The following MCCC1 variants were observed in gnomAD, a reference collection of about 807,000 sequenced individuals.
MCCC1 encodes methylcrotonyl-CoA carboxylase subunit 1, also known as methylcrotonoyl-CoA carboxylase subunit alpha, mitochondrial.
A neutral mutation model predicts 83.8 loss-of-function variants in MCCC1; 64 were observed. That is an observed-to-expected ratio of 0.76 (90% CI 0.62 to 0.94). MCCC1 has a LOEUF of 0.94. Among genes scored for constraint, MCCC1 ranks in the 40% least tolerant of loss-of-function variants. The probability of loss-of-function intolerance (pLI) is 0.00; values close to 1 mark genes in which losing one functional copy is unlikely to be tolerated. For missense variants in MCCC1, 807 were observed against 904.7 expected (o/e 0.89, Z 1.39); for synonymous variants, 322 against 315.4 (o/e 1.02, Z -0.22).
At chr3:183,102,013 A>G (rs190989993), upstream of MCCC1, among the ~76,000 whole-genome samples, 455 of 152,252 alleles carry the variant, frequency 3.0e-3, 2 homozygotes, top group Non-Finnish European at 4.8e-3. Context: ...CAGACTCCAG[A>G]CGCGCCGCCT....
intron 1 of MCCC1, among the ~76,000 whole-genome samples, chr3:183,113,139 C>G (rs145812935): frequency 0.014 from 2,092 of 150,824 alleles, 47 homozygotes; most frequent in African/African-American, 0.048. Context: ...CAGGAGAATC[C>G]CTTGAACCCG....
At chr3:183,092,261 G>T (rs973904415) in intron 3 of MCCC1, 148 bp downstream of exon 3, 50 of 898,146 alleles carry the variant, frequency 5.6e-5, no homozygotes, top group Middle Eastern at 6.0e-4. Flanking sequence ...TCTGAAAAAT[G>T]TTCCCAAGAA....
intron 8 of MCCC1, among the ~76,000 whole-genome samples, chr3:183,053,067 T>G (rs995917595): frequency 3.9e-5 from 6 of 152,082 alleles, no homozygotes; most frequent in Admixed American, 3.3e-4. Flanking sequence ...CCTGAAAACT[T>G]TTATTGGGAC....
chr3:183,095,740 T>C (rs1385248156), intron 1 of MCCC1, among the ~76,000 whole-genome samples: 1 of 152,150 alleles, frequency 6.6e-6, no homozygotes, highest in Non-Finnish European at 1.5e-5. Context: ...CAGTTGAGGA[T>C]GCAAGATTTA....
chr3:183,054,476 C>A (rs1315097908), intron 8 of MCCC1, among the ~76,000 whole-genome samples: 1 of 152,088 alleles, frequency 6.6e-6, no homozygotes, highest in Non-Finnish European at 1.5e-5. Flanking sequence ...CGTGAGCCAC[C>A]GCGCCCGGCC....
intron 1 of MCCC1, among the ~76,000 whole-genome samples, chr3:183,097,400 TTTTG>T (rs1162395777): frequency 6.6e-6 from 1 of 152,208 alleles, no homozygotes; most frequent in East Asian, 1.9e-4. Flanking sequence ...GTTAAGATTT[TTTTG>T]TTTTTGTTTT....
chr3:183,115,399 A>G (rs531118550), intron 1 of MCCC1: 1 of 152,286 alleles, frequency 6.6e-6, no homozygotes, highest in Admixed American at 6.5e-5. Flanking sequence ...AGGTCAGTGA[A>G]TTCTTGCTCA....
intron 16 of MCCC1, among the ~76,000 whole-genome samples, chr3:183,021,514 C>G (rs1201885769): frequency 4.6e-5 from 7 of 152,188 alleles, no homozygotes; most frequent in African/African-American, 1.7e-4. Flanking sequence ...GCCACTGCAC[C>G]TATTATTATT....
At chr3:183,113,337 T>C (rs1220844174) in intron 1 of MCCC1, among the ~76,000 whole-genome samples, 1 of 141,480 alleles carries the variant, frequency 7.1e-6, no homozygotes, top group Non-Finnish European at 1.5e-5. Flanking sequence ...CAAACACCGC[T>C]GTTCTCACTG....
At chr3:183,059,573 T>G (rs752474537) in intron 7 of MCCC1, among the ~76,000 whole-genome samples, 16 of 152,206 alleles carry the variant, frequency 1.1e-4, no homozygotes, top group Non-Finnish European at 2.2e-4. Context: ...AGGAAAATAT[T>G]TTACTTCTAC....
intron 14 of MCCC1, among the ~76,000 whole-genome samples, chr3:183,029,933 C>T (rs766543859): frequency 2.0e-5 from 3 of 152,118 alleles, no homozygotes; most frequent in Non-Finnish European, 4.4e-5. Context: ...ATATTGGAGG[C>T]CCCACCCTCT....
At position 183,039,054 on chromosome 3, in the gene MCCC1, T is replaced by C; in HGVS notation, c.1349A>G (p.Lys450Arg). 6.2e-7 allele frequency: 1 copy of C among 1,614,120 alleles called. No homozygotes were observed. Among genetic ancestry groups the C allele is most frequent in the Middle Eastern group, 1.6e-4 (1 of 6,062 alleles). Residue 450 changes from lysine to arginine, a missense_variant, in exon 12 of 19, where the codon AAA (lysine) becomes AGA (arginine). Physicochemically the swap from Lys to Arg is conservative, Grantham distance 26 (BLOSUM62 2). Coordinates refer to ENST00000265594, the MANE Select transcript of MCCC1 (RefSeq NM_020166.5). The part of the protein sequence containing the change: ...WAADRQAALT[K>R]LRYSLRQYNI... ...GTACTGACGAAGGCTGTACCTCAGT[T>C]TTGTCAATGCCGCCTGGCGATCTGC...
At chr3:183,081,168 T>C (rs548703522) in intron 4 of MCCC1, among the ~76,000 whole-genome samples, 12 of 152,280 alleles carry the variant, frequency 7.9e-5, no homozygotes, top group African/African-American at 2.9e-4. Flanking sequence ...AACCAAACCA[T>C]GATGTTCTTG....
In MCCC1 at chr3:183,071,240, C is replaced by A. The variant is rs1490366527; in HGVS notation, c.609G>T (p.Met203Ile). ...EHARRIGYPV[M>I]IKAVRGGGGK... ...CTCCTCCACCCCGGACGGCTTTAAT[C>A]ATGACAGGATAGCCAATTCTCCTGG... The change falls in exon 6 of 19, where the codon ATG (methionine) becomes ATT (isoleucine). Residue 203 changes from methionine (M) to isoleucine (I), a missense_variant. Coordinates refer to ENST00000265594, the MANE Select transcript of MCCC1 (RefSeq NM_020166.5). 1 of 1,614,106 alleles carries A rather than the reference C, an allele frequency of 6.2e-7. No individual in the cohort carries two copies. The highest frequency in any genetic ancestry group is 8.5e-7 in the Non-Finnish European group (1 of 1,180,050).
chr3:183,057,101 C>A (rs1294823403), intron 8 of MCCC1, among the ~76,000 whole-genome samples: 1 of 152,178 alleles, frequency 6.6e-6, no homozygotes, highest in East Asian at 1.9e-4. Flanking sequence ...CCAGAAGGAA[C>A]ATGACCCTGT....
At chr3:183,057,674 T>TCA (rs2108506116) in intron 7 of MCCC1, among the ~76,000 whole-genome samples, 1 of 152,194 alleles carries the variant, frequency 6.6e-6, no homozygotes, top group Admixed American at 6.5e-5. Context: ...GCCCAGGAGT[T>TCA]CAAGATGAGC....
In MCCC1 at chr3:183,064,769, T is replaced by G. The variant is rs1036720356; in HGVS notation, c.761+6230A>C. On this transcript the variant is annotated intron_variant, in intron 7 of 18. Coordinates refer to ENST00000265594, the MANE Select transcript of MCCC1 (RefSeq NM_020166.5). The surrounding 1 kb of genome is among the most constrained non-coding windows in gnomAD (Gnocchi z 4.5). ...CAGGGCGAAGCGGGTAATGTAGGGG[T>G]GCAGCACCGGCAGGAGGCGCCTCAG... Among the ~76,000 whole-genome samples, 3 of 152,186 alleles carry G rather than the reference T, an allele frequency of 2.0e-5. No individual in the cohort carries two copies. The highest frequency in any genetic ancestry group is 1.3e-4 in the Admixed American group (2 of 15,276).
chr3:183,096,086 A>G (rs1718712810), intron 1 of MCCC1, among the ~76,000 whole-genome samples: 1 of 152,230 alleles, frequency 6.6e-6, no homozygotes, highest in African/African-American at 2.4e-5. Flanking sequence ...CTGTAATCCT[A>G]GCAATTTGAG....
intron 4 of MCCC1, among the ~76,000 whole-genome samples, chr3:183,083,596 T>A (rs563418029): frequency 7.4e-4 from 113 of 152,304 alleles, no homozygotes; most frequent in Middle Eastern, 3.4e-3. Flanking sequence ...CCTTTCTCAT[T>A]GTGTTACAGC....
Sources: gnomAD v4.1 joint callset for allele counts (sites outside exome capture counted in the v4.1 genomes callset) on GRCh38, gnomAD v4.1.1 for gene constraint, Gnocchi (gnomAD v3.1) non-coding constraint, MANE v1.5 for transcripts, NCBI Gene and HGNC (gene_info 2026-07-23, HGNC 2026-07-21) for gene names.